AXIN1: variants seen among roughly 807,000 people sequenced by gnomAD.
The protein encoded by AXIN1 is axin-1.
In AXIN1, 30 loss-of-function variants were observed where a neutral mutation model predicts 76.4. That is an observed-to-expected ratio of 0.39 (90% CI 0.29 to 0.53). The LOEUF is 0.53. AXIN1 is among the 20% of genes least tolerant of loss of function. The probability of loss-of-function intolerance (pLI) is 0.66; values close to 1 mark genes in which losing one functional copy is unlikely to be tolerated. For missense variants in AXIN1, 1,140 were observed against 1,198.8 expected, an observed-to-expected ratio of 0.95 and a Z score of 0.72; for synonymous variants, 545 against 501.4, an observed-to-expected ratio of 1.09 and a Z score of -1.16.
chr16:328,972 G>A (rs1233005918), intron 2 of AXIN1, among the ~76,000 whole-genome samples: 1 of 152,002 alleles, frequency 6.6e-6, no homozygotes, highest in Non-Finnish European at 1.5e-5. Context: ...GCTCACACCA[G>A]TAACTATTTA....
chr16:289,544 C>G lies in AXIN1; in HGVS notation c.2358G>C (p.Ala786=), dbSNP rs199901645. The G allele has an allele frequency of 1.3e-5, 21 of 1,613,000 alleles. No homozygotes were observed. Among genetic ancestry groups the G allele is most frequent in the Non-Finnish European group, 1.7e-5 (20 of 1,180,022 alleles). The change falls in exon 10 of 11, where the codon GCG becomes GCC. Residue 786 remains alanine, a synonymous_variant. Coordinates refer to ENST00000262320, the MANE Select transcript of AXIN1 (RefSeq NM_003502.4). ...SAQPCDSIVV[A]YYFCGEPIPY... ...GGATGGGTTCCCCGCAGAAGTAGTA[C>G]GCCACAACGATGCTGTCACACGGCT...
At position 291,386 on chromosome 16, in the gene AXIN1, G is replaced by T. The variant is rs1012853632; in HGVS notation, c.2187-89C>A. Reference sequence around the variant, plus strand: ...CGACCAATGCTGCTGCGCAGGGACGGACGGAGCGTGAAGGGCCCGAACAAC... The same window carrying T: ...CGACCAATGCTGCTGCGCAGGGACGTACGGAGCGTGAAGGGCCCGAACAAC... On this transcript the variant is annotated intron_variant, in intron 8 of 10. Transcript: ENST00000262320. The T allele has an allele frequency of 9.4e-6, 11 of 1,166,368 alleles. No individual in the cohort carries two copies. The Admixed American group carries it at 1.8e-4, about 19-fold the overall frequency. 72.3% of individuals were successfully genotyped at this position (1,166,368 alleles called of 1,614,324 possible). A position where few individuals can be genotyped will look rare whatever the true frequency, so the allele number is the denominator to read the frequency against.
chr16:346,420 A>G lies in AXIN1; in HGVS notation c.606T>C (p.Leu202=), dbSNP rs2141702962. ...TATATTCCAAATAAATATCAGACTT[A>G]AGGAAGGAGGGATAGGTGTTTTCCT... ...TMEENTYPSF[L]KSDIYLEYTR... Residue 202 remains leucine, a synonymous_variant, in exon 2 of 11, where the codon CTT becomes CTC. Coordinates refer to ENST00000262320, the MANE Select transcript of AXIN1 (RefSeq NM_003502.4). 6.2e-7 allele frequency: 1 copy of G among 1,614,142 alleles called. No individual in the cohort carries two copies. The highest frequency in any genetic ancestry group is 8.5e-7 in the Non-Finnish European group (1 of 1,180,036).
At chr16:320,721 G>GTATATATATATATATATATA (rs1363646713) in intron 2 of AXIN1, among the ~76,000 whole-genome samples, 1 of 120,172 alleles carries the variant, frequency 8.3e-6, no homozygotes, top group African/African-American at 3.6e-5. Flanking sequence ...ATGCGTGTGT[G>GTATATATATATATATATATA]TGTATATATA....
Position 293,544 on chromosome 16 carries a change from C to T in AXIN1, c.2130G>A (p.Ala710=), listed in dbSNP as rs749294095. The T allele has an allele frequency of 1.2e-5, 19 of 1,611,462 alleles. No individual in the cohort carries two copies. The highest frequency in any genetic ancestry group is 2.7e-5 in the African/African-American group (2 of 74,854). Residue 710 remains alanine (A), a synonymous_variant, in exon 8 of 11, where the codon GCG becomes GCA. Transcript: ENST00000262320. This position sits in a 1 kb window ranked among gnomAD's most constrained non-coding sequence, Gnocchi z 4.6. ...APNPLTQLEE[A]RRRLEEEEKR... ...TTTCTTCCTCCTCCAGACGTCGGCG[C>T]GCCTCCTCCAGCTGGGTTAGGGGGT...
chr16:351,290 C>T (rs1310744065), intron 1 of AXIN1, among the ~76,000 whole-genome samples: 1 of 141,450 alleles, frequency 7.1e-6, no homozygotes, highest in Non-Finnish European at 1.6e-5. Context: ...AAGGGGCTGA[C>T]ATGCACATAA....
At chr16:330,162 G>A (rs1288268628) in intron 2 of AXIN1, among the ~76,000 whole-genome samples, 1 of 151,710 alleles carries the variant, frequency 6.6e-6, no homozygotes, top group Non-Finnish European at 1.5e-5. Context: ...CCGGTCTCAG[G>A]TGACCCACCC....
At position 297,789 on chromosome 16, in the gene AXIN1, C is replaced by A. The variant is rs1188690552; in HGVS notation, c.1717G>T (p.Ala573Ser). 6.4e-7 allele frequency: 1 copy of A among 1,568,596 alleles called. No individual in the cohort carries two copies. The highest frequency in any genetic ancestry group is 8.6e-7 in the Non-Finnish European group (1 of 1,156,882). The change falls in exon 6 of 11, where the codon GCA becomes TCA. Residue 573 changes from alanine (A) to serine (S), a missense_variant. Ala to Ser is a moderately conservative substitution (Grantham distance 99). Around this residue, in one of 3 missense-constraint regions of AXIN1, gnomAD observed 429 missense variants for 405.8 expected, o/e 1.06. Transcript: ENST00000262320. Reference sequence around the variant, plus strand: ...CTCTCTGAGTAGCCTCGGGACCTTGCCCCATGGCTGTGTGGTTCCAGGCCC... The same window carrying A: ...CTCTCTGAGTAGCCTCGGGACCTTGACCCATGGCTGTGTGGTTCCAGGCCC... ...AWGLEPHSHG[A>S]RSRGYSESVG...
intron 2 of AXIN1, among the ~76,000 whole-genome samples, chr16:317,455 G>A (rs181440175): frequency 6.6e-6 from 1 of 152,360 alleles, no homozygotes; most frequent in African/African-American, 2.4e-5. Flanking sequence ...GGTTCACGAT[G>A]TCAGGCCCCT....
intron 2 of AXIN1, among the ~76,000 whole-genome samples, chr16:325,739 T>C (rs537000933): frequency 6.6e-6 from 1 of 152,292 alleles, no homozygotes; most frequent in South Asian, 2.1e-4. Context: ...GGAGAGCCAT[T>C]CCCCAACACG....
intron 3 of AXIN1, 37 bp from the exon 4 acceptor site, chr16:310,106 G>A (rs985462754): frequency 1.9e-6 from 3 of 1,565,500 alleles, no homozygotes; most frequent in Non-Finnish European, 2.6e-6. Context: ...AACTCAGAGA[G>A]GAGCAGGAGG....
chr16:339,360 A>C (rs924613026), intron 2 of AXIN1, among the ~76,000 whole-genome samples: 41 of 151,152 alleles, frequency 2.7e-4, no homozygotes, highest in African/African-American at 1.0e-3. Context: ...AAAAAAAAAA[A>C]ATTAGCCGGG....
intron 2 of AXIN1, among the ~76,000 whole-genome samples, chr16:331,036 A>G (rs2053680417): frequency 6.6e-6 from 1 of 152,210 alleles, no homozygotes; most frequent in Non-Finnish European, 1.5e-5. Flanking sequence ...GAGCCTCCTC[A>G]GCAGAAGTCT....
chr16:302,566 C>T (rs1162583509), intron 5 of AXIN1, among the ~76,000 whole-genome samples: 1 of 152,178 alleles, frequency 6.6e-6, no homozygotes, highest in African/African-American at 2.4e-5. Flanking sequence ...AATGGAGTGC[C>T]CGGCGCACGG....
chr16:288,230 C>G lies in AXIN1; in HGVS notation c.2481G>C (p.Val827=), dbSNP rs969813363. 6.8e-6 allele frequency: 11 copies of G among 1,613,666 alleles called. No homozygotes were observed. The highest frequency in any genetic ancestry group is 9.3e-6 in the Non-Finnish European group (11 of 1,180,016). Reference sequence around the variant, plus strand: ...CCACCCCACAGTCAAACTCGTCGCTCACTTTCTTGAAGTAGTATCTGCAGG... The same window carrying G: ...CCACCCCACAGTCAAACTCGTCGCTGACTTTCTTGAAGTAGTATCTGCAGG... ...KGSYRYYFKK[V]SDEFDCGVVF... Residue 827 remains valine, a synonymous_variant, in exon 11 of 11, where the codon GTG becomes GTC. Transcript: ENST00000262320.
In AXIN1 at chr16:293,910, G is replaced by T. The variant is rs558182441; in HGVS notation, c.1956-192C>A. Among the ~76,000 whole-genome samples, 1 of 152,338 alleles carries T rather than the reference G, an allele frequency of 6.6e-6. No individual in the cohort carries two copies. The highest frequency in any genetic ancestry group is 2.4e-5 in the African/African-American group (1 of 41,580). ...AAAAACATCCCGGCCAGGCATGGTG[G>T]CTCACACCTGTAATCCCAGCATTTC... On this transcript the variant is annotated intron_variant, in intron 7 of 10. Transcript: ENST00000262320. The surrounding 1 kb of genome is among the most constrained non-coding windows in gnomAD (Gnocchi z 4.6).
intron 2 of AXIN1, among the ~76,000 whole-genome samples, chr16:318,198 C>G (rs1013009860): frequency 3.3e-5 from 5 of 152,242 alleles, no homozygotes; most frequent in Non-Finnish European, 7.3e-5. Context: ...TTCATGTGTC[C>G]AATTCCAAAT....
At position 304,434 on chromosome 16, in the gene AXIN1, T is replaced by C. The variant is rs767850282; in HGVS notation, c.1124A>G (p.Tyr375Cys). 6.2e-6 allele frequency: 10 copies of C among 1,612,680 alleles called. No individual in the cohort carries two copies. The Admixed American group carries it at 1.7e-4, about 27-fold the overall frequency. ...CACGCGGACCTCCTTCGGCACCCGGTACGTGCGCTGCGAGGGACAGGACTG... is the reference window on the plus strand; with the variant it reads ...CACGCGGACCTCCTTCGGCACCCGGCACGTGCGCTGCGAGGGACAGGACTG... ...RVPLPHIPRT[Y>C]RVPKEVRVEP... Residue 375 changes from tyrosine (Y) to cysteine (C), a missense_variant, in exon 5 of 11, where the codon TAC becomes TGC. Transcript: ENST00000262320.
chr16:329,196 G>C (rs1205214411), intron 2 of AXIN1, among the ~76,000 whole-genome samples: 1 of 145,198 alleles, frequency 6.9e-6, no homozygotes, highest in Non-Finnish European at 1.5e-5. Flanking sequence ...AGAATCGCTT[G>C]AACCCAGGAG....
Sources: allele counts gnomAD v4.1 joint callset (sites outside exome capture counted in the v4.1 genomes callset), GRCh38; gene constraint gnomAD v4.1.1; regional missense constraint gnomAD v4.1.1; non-coding constraint Gnocchi (gnomAD v3.1); transcripts MANE v1.5; gene names NCBI Gene and HGNC (gene_info 2026-07-23, HGNC 2026-07-21).